Variants in LHFPL2 observed in about 807,000 individuals in gnomAD.
LHFPL2 encodes LHFPL tetraspan subfamily member 2.
LHFPL2 carries 7 observed loss-of-function variants against 17.5 expected under a neutral mutation model. The observed-to-expected ratio is 0.40, with a 90% CI of 0.23 to 0.75. The LOEUF (loss-of-function observed/expected upper bound fraction) is 0.75, where lower values mean the gene tolerates loss of function less well. Ranked by LOEUF, LHFPL2 falls within the 30% of genes least tolerant of loss-of-function variation. The probability of loss-of-function intolerance (pLI) is 0.37; values close to 1 mark genes in which losing one functional copy is unlikely to be tolerated. For missense variants in LHFPL2, 241 were observed against 294.8 expected (o/e 0.82, Z 1.34); for synonymous variants, 134 against 116.2 (o/e 1.15, Z -0.99).
chr5:78,515,927 A>T (rs1755278219), intron 3 of LHFPL2, among the ~76,000 whole-genome samples: 1 of 152,206 alleles, frequency 6.6e-6, no homozygotes, highest in Admixed American at 6.5e-5. Context: ...GATGCCTCCC[A>T]GGTCACAGGG....
rs1394142644 is a variant in LHFPL2, at chr5:78,509,854, G to A, written c.360C>T (p.Phe120=). ...TCATGATGCTCTGTACACACATGGT[G>A]AAGACGGACACCAAGGCCACCATGC... ...ILCMVALVSV[F]TMCVQSIMKK... The change falls in exon 4 of 5, where the codon TTC becomes TTT. Residue 120 remains phenylalanine (F), a synonymous_variant. Transcript: ENST00000380345. The A allele has an allele frequency of 6.2e-7, 1 of 1,613,930 alleles. No homozygotes were observed. The highest frequency in any genetic ancestry group is 8.5e-7 in the Non-Finnish European group (1 of 1,180,052).
intron 3 of LHFPL2, among the ~76,000 whole-genome samples, chr5:78,529,107 T>C (rs1429051212): frequency 2.7e-5 from 4 of 148,620 alleles, no homozygotes; most frequent in African/African-American, 9.9e-5. Context: ...CAAGACCACG[T>C]CTCTGAAAAA....
At chr5:78,638,194 A>G (rs979681054) in intron 1 of LHFPL2, among the ~76,000 whole-genome samples, 1 of 152,030 alleles carries the variant, frequency 6.6e-6, no homozygotes, top group Non-Finnish European at 1.5e-5. Flanking sequence ...CTCTACTAAA[A>G]ATACAAAAAA....
intron 3 of LHFPL2, among the ~76,000 whole-genome samples, chr5:78,555,562 G>A (rs1236164427): frequency 6.6e-6 from 1 of 152,218 alleles, no homozygotes; most frequent in Non-Finnish European, 1.5e-5. Context: ...CTGGTAGATG[G>A]GGTAAAAGGT....
intron 3 of LHFPL2, among the ~76,000 whole-genome samples, chr5:78,530,030 C>G (rs1435981245): frequency 6.6e-6 from 1 of 152,156 alleles, no homozygotes; most frequent in Non-Finnish European, 1.5e-5. Flanking sequence ...GTTCCCAGAA[C>G]AGAAGATTGG....
chr5:78,520,731 TG>T (rs1192555229), intron 3 of LHFPL2, among the ~76,000 whole-genome samples: 3 of 152,226 alleles, frequency 2.0e-5, no homozygotes, highest in Admixed American at 6.5e-5. Flanking sequence ...TTTTTTTTCC[TG>T]GGGTGGGAGA....
intron 3 of LHFPL2, among the ~76,000 whole-genome samples, chr5:78,526,914 G>C (rs1755636596): frequency 6.6e-6 from 1 of 152,116 alleles, no homozygotes; most frequent in Admixed American, 6.6e-5. Context: ...AACATCCATA[G>C]CCCAGCTTGG....
At chr5:78,566,115 C>T (rs1033767005) in intron 2 of LHFPL2, among the ~76,000 whole-genome samples, 7 of 152,162 alleles carry the variant, frequency 4.6e-5, no homozygotes, top group African/African-American at 1.7e-4. Context: ...TATTCAACAG[C>T]CTCAATTCCA....
intron 2 of LHFPL2, among the ~76,000 whole-genome samples, chr5:78,603,195 G>A (rs1326881935): frequency 2.0e-5 from 3 of 152,086 alleles, no homozygotes; most frequent in African/African-American, 7.2e-5. Context: ...CCTAGCCGAG[G>A]TAGGTATTAT....
At chr5:78,589,688 C>T (rs1561354802) in intron 2 of LHFPL2, among the ~76,000 whole-genome samples, 1 of 152,194 alleles carries the variant, frequency 6.6e-6, no homozygotes, top group Non-Finnish European at 1.5e-5. Flanking sequence ...CTCTACAGCA[C>T]TCACCACCCA....
intron 3 of LHFPL2, among the ~76,000 whole-genome samples, chr5:78,527,043 C>T (rs1252204425): frequency 1.3e-5 from 2 of 152,206 alleles, no homozygotes; most frequent in African/African-American, 4.8e-5. Context: ...TTCTGAGAAA[C>T]TCCAGAAGGT....
intron 4 of LHFPL2, among the ~76,000 whole-genome samples, chr5:78,505,440 G>A (rs866606371): frequency 6.6e-5 from 10 of 152,324 alleles, no homozygotes; most frequent in Middle Eastern, 6.8e-3. Context: ...GAAAGAGAAG[G>A]AATGGAAAAT....
chr5:78,627,264 A>G (rs1387673674), intron 2 of LHFPL2, among the ~76,000 whole-genome samples: 1 of 152,070 alleles, frequency 6.6e-6, no homozygotes, highest in Non-Finnish European at 1.5e-5. Context: ...GTCCTTTCAG[A>G]TGATATGCAC....
chr5:78,530,173 T>C (rs1755739175), intron 3 of LHFPL2, among the ~76,000 whole-genome samples: 1 of 152,198 alleles, frequency 6.6e-6, no homozygotes, highest in Non-Finnish European at 1.5e-5. Context: ...TTGCAAATAA[T>C]TTTTTTAAAT....
At chr5:78,568,059 C>A (rs1756904442) in intron 2 of LHFPL2, among the ~76,000 whole-genome samples, 1 of 152,198 alleles carries the variant, frequency 6.6e-6, no homozygotes, top group Non-Finnish European at 1.5e-5. Flanking sequence ...GTGCTGATGA[C>A]AAGAACATCA....
At chr5:78,554,809 C>T (rs774203304) in intron 3 of LHFPL2, among the ~76,000 whole-genome samples, 6 of 152,152 alleles carry the variant, frequency 3.9e-5, no homozygotes, top group African/African-American at 9.7e-5. Flanking sequence ...GTTCTAAAAA[C>T]GGATTGGATT....
chr5:78,565,042 G>A (rs562300188), intron 2 of LHFPL2, among the ~76,000 whole-genome samples, 171 bp from the exon 3 acceptor site: 3 of 152,256 alleles, frequency 2.0e-5, no homozygotes, highest in African/African-American at 7.2e-5. Flanking sequence ...CAGGAACACC[G>A]ACACACGAAC....
intron 4 of LHFPL2, among the ~76,000 whole-genome samples, chr5:78,499,466 G>A (rs893772257): frequency 1.3e-5 from 2 of 152,168 alleles, no homozygotes; most frequent in Non-Finnish European, 2.9e-5. Flanking sequence ...GTTAATCAAC[G>A]GCAGGACAGG....
chr5:78,550,158 C>T (rs562572422), intron 3 of LHFPL2, among the ~76,000 whole-genome samples: 23 of 152,336 alleles, frequency 1.5e-4, no homozygotes, highest in African/African-American at 5.5e-4. Context: ...GCAAACCACG[C>T]TACTTCTTAC....
Sources: gnomAD v4.1 joint callset for allele counts (sites outside exome capture counted in the v4.1 genomes callset) on GRCh38, gnomAD v4.1.1 for gene constraint, MANE v1.5 for transcripts, NCBI Gene and HGNC (gene_info 2026-07-23, HGNC 2026-07-21) for gene names.